CTNNA2: variants seen among roughly 807,000 people sequenced by gnomAD.
CTNNA2 encodes the protein catenin alpha 2.
A neutral mutation model predicts 101.0 loss-of-function variants in CTNNA2; 42 were observed. That is an observed-to-expected ratio of 0.42 (90% CI 0.32 to 0.54). The LOEUF is 0.54. Among genes scored for constraint, CTNNA2 ranks in the 20% least tolerant of loss-of-function variants. The pLI, the probability that CTNNA2 is intolerant of heterozygous loss-of-function variation, is 0.14. For missense variants in CTNNA2, 871 were observed against 1,223.1 expected, an observed-to-expected ratio of 0.71 and a Z score of 4.29; for synonymous variants, 450 against 456.4, an observed-to-expected ratio of 0.99 and a Z score of 0.18.
intron 2 of CTNNA2, among the ~76,000 whole-genome samples, chr2:79,740,699 G>T (rs528145466): frequency 6.6e-6 from 1 of 152,138 alleles, no homozygotes; most frequent in African/African-American, 2.4e-5. Context: ...TTATTTTGTC[G>T]TTTAGCAGCC....
intron 3 of CTNNA2, among the ~76,000 whole-genome samples, chr2:79,823,200 C>A (rs183688468): frequency 1.1e-4 from 17 of 152,238 alleles, no homozygotes; most frequent in African/African-American, 3.9e-4. Context: ...GATGGTAAGA[C>A]CCAGAAGACC....
intron 1 of CTNNA2, among the ~76,000 whole-genome samples, chr2:79,632,900 C>T (rs977134523): frequency 1.1e-4 from 17 of 152,216 alleles, no homozygotes; most frequent in Middle Eastern, 3.4e-3. Flanking sequence ...TTACTCAACT[C>T]GGCTATTGTG....
rs568611192 is a variant in CTNNA2 at position 80,525,563 on chromosome 2, C to T, written c.1291-19419C>T. On this transcript the variant is annotated intron_variant, in intron 9 of 18. Transcript: ENST00000402739. ...ACAAAAACCCTGAATTCAGCTAAGC[C>T]TGACTTTCCAATTTCCCCCTCACCC... 1.2e-4 allele frequency among the ~76,000 whole-genome samples: 18 copies of T among 152,274 alleles called. 2 individuals carry two copies. The highest frequency in any genetic ancestry group is 4.3e-4 in the African/African-American group (18 of 41,558).
chr2:79,365,463 AT>A (rs1213886990), intron 3 of CTNNA2, among the ~76,000 whole-genome samples: 12 of 149,234 alleles, frequency 8.0e-5, no homozygotes, highest in Non-Finnish European at 8.9e-5. Flanking sequence ...ATCTCTACAA[AT>A]TTTTTTTTTA....
At chr2:79,620,445 C>T (rs1678922275) in intron 1 of CTNNA2, among the ~76,000 whole-genome samples, 1 of 152,210 alleles carries the variant, frequency 6.6e-6, no homozygotes, top group Non-Finnish European at 1.5e-5. Flanking sequence ...ATCCTTCACA[C>T]TCCACCCTCT....
chr2:80,525,177 G>C (rs1017508655), intron 9 of CTNNA2, among the ~76,000 whole-genome samples: 16 of 151,814 alleles, frequency 1.1e-4, no homozygotes, highest in African/African-American at 3.9e-4. Flanking sequence ...TGTTTGTGCT[G>C]GGGCAGGATT....
intron 2 of CTNNA2, among the ~76,000 whole-genome samples, chr2:79,661,631 C>T (rs926197425): frequency 2.6e-5 from 4 of 152,130 alleles, no homozygotes; most frequent in Admixed American, 6.5e-5. Flanking sequence ...ATTTTCAAAA[C>T]TACTTTGATT....
At chr2:80,604,992 A>C (rs1189584641) in intron 16 of CTNNA2, among the ~76,000 whole-genome samples, 2 of 152,038 alleles carry the variant, frequency 1.3e-5, no homozygotes, top group African/African-American at 4.8e-5. Flanking sequence ...GATATTCTTC[A>C]TAATAACTTA....
intron 1 of CTNNA2, among the ~76,000 whole-genome samples, chr2:79,581,038 G>A (rs746035314): frequency 2.0e-5 from 3 of 152,134 alleles, no homozygotes; most frequent in Non-Finnish European, 2.9e-5. Flanking sequence ...ACTCTGAAAA[G>A]CAAAATGCTA....
intron 7 of CTNNA2, among the ~76,000 whole-genome samples, chr2:80,307,274 C>A (rs1006334863): frequency 1.3e-5 from 2 of 151,798 alleles, no homozygotes; most frequent in Admixed American, 1.3e-4. Context: ...GTTGCAGAAT[C>A]CCAATTTATT....
At chr2:79,938,071 A>G (rs1376395003) in intron 7 of CTNNA2, among the ~76,000 whole-genome samples, 1 of 152,210 alleles carries the variant, frequency 6.6e-6, no homozygotes, top group Non-Finnish European at 1.5e-5. Flanking sequence ...TAGAAAACAC[A>G]TGGAAAAAAG....
At chr2:80,289,381 C>T (rs984540116) in intron 7 of CTNNA2, among the ~76,000 whole-genome samples, 2 of 152,112 alleles carry the variant, frequency 1.3e-5, no homozygotes, top group African/African-American at 4.8e-5. Context: ...ATATTACTTG[C>T]CCTACTAATC....
chr2:80,111,528 G>A (rs969901767), intron 7 of CTNNA2, among the ~76,000 whole-genome samples: 1 of 152,134 alleles, frequency 6.6e-6, no homozygotes, highest in Admixed American at 6.6e-5. Context: ...AGGGCTTGAT[G>A]TTGAGGTAAA....
At chr2:80,546,873 T>C (rs866343644) in intron 11 of CTNNA2, among the ~76,000 whole-genome samples, 14 of 152,324 alleles carry the variant, frequency 9.2e-5, no homozygotes, top group Middle Eastern at 3.4e-3. Context: ...TTGTGAGGTG[T>C]TAAAAGAGCC....
intron 18 of CTNNA2, among the ~76,000 whole-genome samples, chr2:80,632,937 A>G (rs547690773): frequency 1.8e-3 from 267 of 152,338 alleles, no homozygotes; most frequent in Middle Eastern, 3.4e-3. Flanking sequence ...ACTCAAAGAG[A>G]TTACAGAGTG....
intron 5 of CTNNA2, among the ~76,000 whole-genome samples, chr2:79,872,981 C>CT (rs1455413414): frequency 5.3e-5 from 8 of 152,196 alleles, no homozygotes; most frequent in African/African-American, 1.9e-4. Flanking sequence ...AAGAGACTCC[C>CT]TAGTGGTATT....
chr2:80,351,301 C>T (rs1355878654), intron 7 of CTNNA2, among the ~76,000 whole-genome samples: 1 of 152,012 alleles, frequency 6.6e-6, no homozygotes, highest in Non-Finnish European at 1.5e-5. Flanking sequence ...GTTGTCTGGT[C>T]AATAGAGCCT....
At chr2:79,930,107 C>A (rs770943395) in intron 7 of CTNNA2, among the ~76,000 whole-genome samples, 1 of 151,656 alleles carries the variant, frequency 6.6e-6, no homozygotes, top group African/African-American at 2.4e-5. Context: ...TGTGGTGGTG[C>A]GCACCTGTAG....
intron 18 of CTNNA2, among the ~76,000 whole-genome samples, chr2:80,626,564 A>T (rs1031129411): frequency 6.6e-5 from 10 of 151,984 alleles, no homozygotes; most frequent in African/African-American, 1.7e-4. Context: ...TGCTGCTCTG[A>T]TTAAGATTGA....
Sources: gnomAD v4.1 joint callset for allele counts (sites outside exome capture counted in the v4.1 genomes callset) on GRCh38, gnomAD v4.1.1 for gene constraint, MANE v1.5 for transcripts, NCBI Gene and HGNC (gene_info 2026-07-23, HGNC 2026-07-21) for gene names.